Variants in CCND3 observed in about 807,000 individuals in gnomAD.
The protein encoded by CCND3 is cyclin D3.
A neutral mutation model predicts 28.7 loss-of-function variants in CCND3; 9 were observed. The ratio of observed to expected loss-of-function variants is 0.31; its 90% CI spans 0.19 to 0.55. CCND3 has a LOEUF of 0.55. CCND3 is among the 20% of genes least tolerant of loss of function. CCND3 has a pLI of 0.93. For synonymous variants in CCND3, 164 were observed against 163.9 expected, an observed-to-expected ratio of 1.00 and a Z score of 0.00; for missense variants, 315 against 385.8, an observed-to-expected ratio of 0.82 and a Z score of 1.54.
intron 1 of CCND3, among the ~76,000 whole-genome samples, chr6:41,978,428 T>C (rs960753675): frequency 6.6e-6 from 1 of 150,658 alleles, no homozygotes; most frequent in Admixed American, 6.6e-5. Flanking sequence ...CCCAGCTACT[T>C]GGGAGGCTGA....
upstream of CCND3, among the ~76,000 whole-genome samples, chr6:41,942,586 G>T (rs1776066453): frequency 1.3e-5 from 2 of 152,044 alleles, no homozygotes; most frequent in South Asian, 4.1e-4. Context: ...CCCTAAAGTC[G>T]GCCTTAGTTT....
chr6:42,049,012 C>G (rs1357949171), upstream of CCND3: 1 of 177,250 alleles, frequency 5.6e-6, no homozygotes, highest in Non-Finnish European at 1.2e-5. Context: ...AGGAAGTAAA[C>G]AACATCATGA....
At chr6:42,006,304 T>A (rs199896210) in intron 1 of CCND3, among the ~76,000 whole-genome samples, 2 of 149,256 alleles carry the variant, frequency 1.3e-5, no homozygotes, top group South Asian at 2.1e-4. Flanking sequence ...TTTAGAGGTT[T>A]AAAAAAAAAA....
chr6:42,012,817 T>G (rs1763379362), intron 1 of CCND3, among the ~76,000 whole-genome samples: 1 of 152,184 alleles, frequency 6.6e-6, no homozygotes, highest in Admixed American at 6.5e-5. Flanking sequence ...TATAAATTGA[T>G]CCAAGCTTCT....
chr6:42,027,849 G>T (rs999930948), intron 1 of CCND3, among the ~76,000 whole-genome samples: 12 of 152,104 alleles, frequency 7.9e-5, no homozygotes, highest in African/African-American at 2.9e-4. Flanking sequence ...CTGGGTTCAA[G>T]CAATTCTCCT....
At chr6:41,942,032 T>TA (rs372942074), upstream of CCND3, among the ~76,000 whole-genome samples, 49 of 152,184 alleles carry the variant, frequency 3.2e-4, no homozygotes, top group African/African-American at 1.1e-3. Flanking sequence ...GTGGGCCTCC[T>TA]ACCCACCCAC....
At chr6:41,956,067 G>T (rs1270473718) in intron 1 of CCND3, among the ~76,000 whole-genome samples, 3 of 152,194 alleles carry the variant, frequency 2.0e-5, no homozygotes, top group Admixed American at 2.0e-4. Flanking sequence ...GCGGAGGTGG[G>T]TGGATCACAA....
chr6:41,966,191 G>A (rs1761881753), intron 1 of CCND3, among the ~76,000 whole-genome samples: 2 of 152,180 alleles, frequency 1.3e-5, no homozygotes, highest in African/African-American at 4.8e-5. Context: ...CTTGGCTTCA[G>A]GTCCTGATCA....
intron 1 of CCND3, among the ~76,000 whole-genome samples, chr6:41,970,412 C>A (rs1762005795): frequency 6.6e-6 from 1 of 152,090 alleles, no homozygotes; most frequent in South Asian, 2.1e-4. Flanking sequence ...ATCTTGCAGG[C>A]TTGTCTTGAG....
At chr6:41,947,297 A>G (rs868306774) in intron 1 of CCND3, among the ~76,000 whole-genome samples, 6 of 152,192 alleles carry the variant, frequency 3.9e-5, no homozygotes, top group Middle Eastern at 3.4e-3. Flanking sequence ...AGGCAGCACT[A>G]CCAAATCAGA....
intron 1 of CCND3, among the ~76,000 whole-genome samples, chr6:41,972,685 G>T (rs1262622277): frequency 6.6e-6 from 1 of 151,994 alleles, no homozygotes; most frequent in Non-Finnish European, 1.5e-5. Context: ...ACGCCTCCTT[G>T]TCTGTTTTGG....
intron 1 of CCND3, among the ~76,000 whole-genome samples, chr6:42,042,486 G>A (rs781078757): frequency 1.3e-5 from 2 of 151,732 alleles, no homozygotes; most frequent in Non-Finnish European, 2.9e-5. Flanking sequence ...TCAGCCTCCC[G>A]AGTAGCCGGG....
Position 41,987,475 on chromosome 6 carries a change from TTTTC to T in CCND3, c.-45-46894_-45-46891del, listed in dbSNP as rs1488222383. On this transcript the variant is annotated intron_variant, in intron 1 of 4. Coordinates refer to the CCND3 transcript ENST00000372988. ...TAACCACAACTCCCATGGACCAGGC[TTTTC>T]TCTCTCTCTCTCTCTCTCTCTCTCT... Among the ~76,000 whole-genome samples the T allele has an allele frequency of 6.5e-3, 709 of 109,648 alleles. 6 individuals carry two copies. The highest frequency in any genetic ancestry group is 0.012 in the South Asian group (37 of 3,016). 71.9% of individuals were successfully genotyped at this position (109,648 alleles called of 152,430 possible).
At chr6:41,982,379 TAA>T (rs1762372026) in intron 1 of CCND3, among the ~76,000 whole-genome samples, 1 of 151,708 alleles carries the variant, frequency 6.6e-6, no homozygotes, top group Non-Finnish European at 1.5e-5. Context: ...TAAAATGAAA[TAA>T]GTTTAAAACT....
intron 1 of CCND3, among the ~76,000 whole-genome samples, chr6:42,032,540 G>A (rs1366400249): frequency 2.0e-5 from 3 of 152,224 alleles, no homozygotes; most frequent in African/African-American, 7.2e-5. Context: ...ACATGAGAAG[G>A]CCACAAGCCG....
At chr6:42,024,856 C>T (rs1186039357) in intron 1 of CCND3, among the ~76,000 whole-genome samples, 3 of 152,054 alleles carry the variant, frequency 2.0e-5, no homozygotes, top group Non-Finnish European at 4.4e-5. Flanking sequence ...GTCAGGAGTT[C>T]GAGACCAGCC....
At position 41,940,597 on chromosome 6, in the gene CCND3, C is replaced by T; in HGVS notation, c.199-12G>A. ...TGCTCCTCACATACCTGGGGGAGGG[C>T]GCACAGTCACTGCTGGGTCTGGAGC... is the stretch of plus-strand genomic sequence containing the variant. On this transcript the variant is annotated splice_polypyrimidine_tract_variant and intron_variant, in intron 1 of 4. Transcript: ENST00000372991. 2 of 1,598,940 alleles carry T rather than the reference C, an allele frequency of 1.3e-6. No individual in the cohort carries two copies. Among genetic ancestry groups the T allele is most frequent in the Non-Finnish European group, 1.7e-6 (2 of 1,168,446 alleles).
At chr6:42,022,120 T>G (rs7760280) in intron 1 of CCND3, among the ~76,000 whole-genome samples, 149,639 of 152,324 alleles carry the variant, frequency 0.98, 73,559 homozygotes, top group East Asian at 1. Context: ...ATCTCAATTT[T>G]CAGATTGAGT....
At chr6:42,032,145 G>A (rs1446805691) in intron 1 of CCND3, among the ~76,000 whole-genome samples, 5 of 152,098 alleles carry the variant, frequency 3.3e-5, no homozygotes, top group African/African-American at 1.2e-4. Flanking sequence ...CAATGCAGTG[G>A]TGCCATCACA....
Sources: gnomAD v4.1 joint callset for allele counts (sites outside exome capture counted in the v4.1 genomes callset) on GRCh38, gnomAD v4.1.1 for gene constraint, MANE v1.5 for transcripts, NCBI Gene and HGNC (gene_info 2026-07-23, HGNC 2026-07-21) for gene names.